The following PPARGC1B variants were observed in gnomAD, a reference collection of about 807,000 sequenced individuals.
PPARGC1B encodes PPARG coactivator 1 beta, also known as peroxisome proliferator-activated receptor gamma coactivator 1-beta.
PPARGC1B carries 34 observed loss-of-function variants against 101.6 expected under a neutral mutation model. That is an observed-to-expected ratio of 0.33 (90% confidence interval 0.25 to 0.45). The LOEUF is 0.45. Ranked by LOEUF, PPARGC1B falls within the 20% of genes least tolerant of loss-of-function variation. The pLI is 1.00. For synonymous variants in PPARGC1B, 548 were observed against 539.3 expected, an observed-to-expected ratio of 1.02 and a Z score of -0.22; for missense variants, 1,234 against 1,317.6, an observed-to-expected ratio of 0.94 and a Z score of 0.98.
chr5:149,789,237 C>A (rs1756922939), intron 1 of PPARGC1B, among the ~76,000 whole-genome samples: 1 of 152,074 alleles, frequency 6.6e-6, no homozygotes, highest in Non-Finnish European at 1.5e-5. Context: ...TTACTTTTTT[C>A]AGCTCTCTTA....
chr5:149,836,561 C>T lies in PPARGC1B; in HGVS notation c.2106C>T (p.Gly702=), dbSNP rs1403317878. 6.2e-6 allele frequency: 10 copies of T among 1,613,876 alleles called. No individual in the cohort carries two copies. The highest frequency in any genetic ancestry group is 3.3e-5 in the South Asian group (3 of 91,086). The change falls in exon 8 of 12, where the codon GGC becomes GGT. Residue 702 remains glycine (G), a synonymous_variant. Transcript: ENST00000309241. The stretch of plus-strand genomic sequence containing the variant: ...ACTGCCAGGTGCTCCGACCAGAAGG[C>T]GTCCTGCAAAGGAAGGTGCTGAGGT... The part of the protein sequence containing the change: ...HDYCQVLRPE[G]VLQRKVLRSW...
chr5:149,836,730 G>C lies in PPARGC1B; in HGVS notation c.2275G>C (p.Glu759Gln), dbSNP rs1398492899. ...PKDSTLLRDH[E>Q]IRASLTKHFG... ...GGACAGCACGCTGCTGAGAGACCAT[G>C]AGATCCGTGCCAGCCTCACCAAACA... The change falls in exon 8 of 12, where the codon GAG becomes CAG. Residue 759 changes from glutamate to glutamine, a missense_variant. Physicochemically the swap from Glu to Gln is conservative, Grantham distance 29. Around this residue, in one of 3 missense-constraint regions of PPARGC1B, gnomAD observed 497 missense variants for 529.5 expected, o/e 0.94. Transcript: ENST00000309241. The C allele has an allele frequency of 6.2e-7, 1 of 1,613,662 alleles. No homozygotes were observed. Among genetic ancestry groups the C allele is most frequent in the African/African-American group, 1.3e-5 (1 of 75,056 alleles).
chr5:149,757,939 G>C (rs918821233), intron 1 of PPARGC1B, among the ~76,000 whole-genome samples: 15 of 152,256 alleles, frequency 9.9e-5, no homozygotes, highest in African/African-American at 3.6e-4. Flanking sequence ...CTAGGAGTTT[G>C]AGTTCTAGAA....
rs1469090838 is a variant in PPARGC1B, at chr5:149,854,458, A to G, written c.*6900A>G. ...AAAGGTGCAAGAATTTCACCTACAC[A>G]GAGGGACACATCTGCTTTGTTATTT... is the stretch of plus-strand genomic sequence containing the variant. On this transcript the variant is annotated 3_prime_UTR_variant, in exon 12 of 12. Transcript: ENST00000309241. 2.0e-5 allele frequency: 3 copies of G among 152,202 alleles called. No homozygotes were observed. The highest frequency in any genetic ancestry group is 7.2e-5 in the African/African-American group (3 of 41,456). The allele number at this position is 152,202 out of a possible 1,614,324, so 9.4% of individuals were successfully genotyped here.
rs1756513009 is a variant in PPARGC1B at position 149,779,365 on chromosome 5, G to A, written c.79-41068G>A. 5.3e-5 allele frequency among the ~76,000 whole-genome samples: 8 copies of A among 152,296 alleles called. 1 individual carries two copies. The South Asian group carries it at 1.7e-3, about 32-fold the overall frequency. On this transcript the variant is annotated intron_variant, in intron 1 of 11. Transcript: ENST00000309241. ...TGGGCACTTTGCGTCTGGGGGAGGGGCTGCCTCTTCTGCCCTCAAGGCCAA... is the reference window on the plus strand; with the variant it reads ...TGGGCACTTTGCGTCTGGGGGAGGGACTGCCTCTTCTGCCCTCAAGGCCAA...
intron 1 of PPARGC1B, among the ~76,000 whole-genome samples, chr5:149,784,829 A>G (rs1268648289): frequency 1.3e-5 from 2 of 151,774 alleles, no homozygotes; most frequent in Non-Finnish European, 2.9e-5. Flanking sequence ...GGCCTCCCAA[A>G]GTGCTGGGAT....
intron 1 of PPARGC1B, among the ~76,000 whole-genome samples, chr5:149,793,586 A>G (rs145106508): frequency 2.0e-5 from 3 of 152,280 alleles, no homozygotes; most frequent in African/African-American, 7.2e-5. Context: ...CATCATAAAG[A>G]TCAGGCACTG....
chr5:149,761,452 A>G (rs1251235707), intron 1 of PPARGC1B: 1 of 151,880 alleles, frequency 6.6e-6, no homozygotes, highest in East Asian at 1.9e-4. Context: ...CCAGCATTCT[A>G]CCTTGTGCTT....
intron 9 of PPARGC1B, among the ~76,000 whole-genome samples, chr5:149,841,381 G>A (rs1020940591): frequency 1.3e-5 from 2 of 152,168 alleles, no homozygotes; most frequent in African/African-American, 4.8e-5. Context: ...CTTGGACATC[G>A]TATGTTGTGG....
intron 9 of PPARGC1B, among the ~76,000 whole-genome samples, chr5:149,841,036 G>A (rs1231193474): frequency 6.6e-6 from 1 of 152,218 alleles, no homozygotes; most frequent in Non-Finnish European, 1.5e-5. Context: ...GAACAAGAGG[G>A]ATGAGGCCCC....
rs1207299138 is a variant in PPARGC1B at position 149,848,470 on chromosome 5, G to A, written c.*912G>A. The A allele has an allele frequency of 6.6e-6, 1 of 152,204 alleles. No individual in the cohort carries two copies. The highest frequency in any genetic ancestry group is 1.5e-5 in the Non-Finnish European group (1 of 68,066). 9.4% of individuals were successfully genotyped at this position (152,204 alleles called of 1,614,324 possible). A position where few individuals can be genotyped will look rare whatever the true frequency, so the allele number is the denominator to read the frequency against. On this transcript the variant is annotated 3_prime_UTR_variant, in exon 12 of 12. Transcript: ENST00000309241. Reference sequence around the variant, plus strand: ...ACCAGGCCTTCTGGTTCTTGGTCCCGTGCTTCCGTAGTAGCTGGGGTAAAG... The same window carrying A: ...ACCAGGCCTTCTGGTTCTTGGTCCCATGCTTCCGTAGTAGCTGGGGTAAAG...
intron 1 of PPARGC1B, among the ~76,000 whole-genome samples, chr5:149,755,383 C>T (rs995966471): frequency 6.6e-6 from 1 of 151,838 alleles, no homozygotes; most frequent in South Asian, 2.1e-4. Context: ...TGCACCATCA[C>T]ACCTGTCTTT....
intron 1 of PPARGC1B, among the ~76,000 whole-genome samples, chr5:149,755,594 GTTGTTATTATTATTATTA>G (rs1378904187): frequency 8.1e-6 from 1 of 124,004 alleles, no homozygotes; most frequent in African/African-American, 3.0e-5. Context: ...AGATGTTGTT[GTTGTTATTATTATTATTA>G]TTGTTATTAT....
rs1204461584 is a variant in PPARGC1B, at chr5:149,802,823, C to A, written c.79-17610C>A. Among the ~76,000 whole-genome samples the A allele has an allele frequency of 3.3e-5, 5 of 152,122 alleles. No homozygotes were observed. The South Asian group carries it at 8.3e-4, about 25-fold the overall frequency. On this transcript the variant is annotated intron_variant, in intron 1 of 11. Transcript: ENST00000309241. Reference sequence around the variant, plus strand: ...TGAGTATTTTGTTAAAATGCAGATTCTGATTCAGGAGGTCTGGGATGAGTG... The same window carrying A: ...TGAGTATTTTGTTAAAATGCAGATTATGATTCAGGAGGTCTGGGATGAGTG...
At chr5:149,828,440 A>G (rs773487478) in intron 3 of PPARGC1B, among the ~76,000 whole-genome samples, 3 of 152,248 alleles carry the variant, frequency 2.0e-5, no homozygotes, top group Admixed American at 6.5e-5. Context: ...ATTACAGCAG[A>G]TAATACACAT....
intron 3 of PPARGC1B, among the ~76,000 whole-genome samples, chr5:149,827,820 T>A (rs1450862404): frequency 6.6e-6 from 1 of 152,234 alleles, no homozygotes; most frequent in East Asian, 1.9e-4. Flanking sequence ...CAGAAGTTAC[T>A]GGAAGCAGTC....
chr5:149,759,830 C>T (rs542463174), intron 1 of PPARGC1B, among the ~76,000 whole-genome samples: 21 of 152,348 alleles, frequency 1.4e-4, no homozygotes, highest in Non-Finnish European at 2.8e-4. Context: ...GCCACCCACA[C>T]CCACCCTGGA....
intron 1 of PPARGC1B, among the ~76,000 whole-genome samples, chr5:149,818,443 C>A (rs1334119950): frequency 6.6e-6 from 1 of 152,150 alleles, no homozygotes; most frequent in African/African-American, 2.4e-5. Context: ...GGGCACCTTG[C>A]TGCCTGCTTG....
In PPARGC1B at chr5:149,832,811, G is replaced by C. The variant is rs762442689; in HGVS notation, c.738G>C (p.Glu246Asp). 1.2e-6 allele frequency: 2 copies of C among 1,612,122 alleles called. No individual in the cohort carries two copies. The highest frequency in any genetic ancestry group is 1.1e-5 in the South Asian group (1 of 90,922). The part of the protein sequence containing the change: ...CLQSPRLPAK[E>D]DKEPGEDCPS... ...AGAGTCCCCGGCTCCCTGCCAAGGAGGACAAGGAGCCGGGTGAGGACTGCC... is the reference window on the plus strand; with the variant it reads ...AGAGTCCCCGGCTCCCTGCCAAGGACGACAAGGAGCCGGGTGAGGACTGCC... The change falls in exon 5 of 12, where the codon GAG (glutamate) becomes GAC (aspartate). Residue 246 changes from glutamate (E) to aspartate (D), a missense_variant. Coordinates refer to ENST00000309241, the MANE Select transcript of PPARGC1B (RefSeq NM_133263.4). The surrounding 1 kb of genome is among the most constrained non-coding windows in gnomAD (Gnocchi z 4.9).
Sources: gnomAD v4.1 joint callset for allele counts (sites outside exome capture counted in the v4.1 genomes callset) on GRCh38, gnomAD v4.1.1 for gene constraint, gnomAD v4.1.1 regional missense constraint, Gnocchi (gnomAD v3.1) non-coding constraint, MANE v1.5 for transcripts, NCBI Gene and HGNC (gene_info 2026-07-23, HGNC 2026-07-21) for gene names.